The following EEF1AKMT2 variants were observed in gnomAD, a reference collection of about 807,000 sequenced individuals.
The protein encoded by EEF1AKMT2 is eukaryotic translation elongation factor 1 alpha lysine methyltransferase 2.
Under a neutral mutation model 35.8 loss-of-function variants are expected in EEF1AKMT2, and 32 were observed. That is an observed-to-expected ratio of 0.89 (90% CI 0.67 to 1.20). EEF1AKMT2 has a LOEUF of 1.20. EEF1AKMT2 is among the 50% of genes most tolerant of loss of function. The pLI is 0.00. For synonymous variants in EEF1AKMT2, 121 were observed against 133.7 expected (o/e 0.91, Z 0.65); for missense variants, 330 against 347.5 (o/e 0.95, Z 0.40).
rs540481383 is a variant in EEF1AKMT2 at position 124,787,188 on chromosome 10, T to C, written c.291+1855A>G. Among the ~76,000 whole-genome samples the C allele has an allele frequency of 2.6e-5, 4 of 152,128 alleles. No homozygotes were observed. The East Asian group carries it at 7.7e-4, about 29-fold the overall frequency. ...TGGTCTCGATCTCCTGACCTTGTGATCCACCTGCCTTGGCCTCCCAAAGCG... is the reference window on the plus strand; with the variant it reads ...TGGTCTCGATCTCCTGACCTTGTGACCCACCTGCCTTGGCCTCCCAAAGCG... On this transcript the variant is annotated intron_variant, in intron 3 of 6. Coordinates refer to ENST00000368836, the MANE Select transcript of EEF1AKMT2 (RefSeq NM_212554.4).
chr10:124,761,803 G>A (rs912501323), intron 6 of EEF1AKMT2, among the ~76,000 whole-genome samples: 15 of 152,124 alleles, frequency 9.9e-5, no homozygotes, highest in African/African-American at 1.9e-4. Context: ...GTGCCTGTGC[G>A]CCTGTAGTCC....
At chr10:124,757,384 CCAGA>C (rs546532974), downstream of EEF1AKMT2, among the ~76,000 whole-genome samples, 85 of 151,372 alleles carry the variant, frequency 5.6e-4, 2 homozygotes, top group Admixed American at 4.7e-3. Flanking sequence ...TTGTAGGCTA[CCAGA>C]CAGAGACACA....
chr10:124,771,654 G>A (rs1006524394), intron 4 of EEF1AKMT2, among the ~76,000 whole-genome samples: 31 of 151,876 alleles, frequency 2.0e-4, no homozygotes, highest in Non-Finnish European at 5.9e-5. Flanking sequence ...CGGATCACCA[G>A]GTCAGGAGAT....
intron 4 of EEF1AKMT2, among the ~76,000 whole-genome samples, chr10:124,771,425 T>C (rs1950435142): frequency 6.6e-6 from 1 of 152,008 alleles, no homozygotes; most frequent in Non-Finnish European, 1.5e-5. Context: ...TCAATCTACT[T>C]TGCCCAGATG....
chr10:124,762,461 T>C lies in EEF1AKMT2; in HGVS notation c.714A>G (p.Thr238=), dbSNP rs1016157651. Reference sequence around the variant, plus strand: ...TTATCCAGGCATGATGATGTGTGCCTGTAGTTCCACCTACTCGGGAGGCTG... The same window carrying C: ...TTATCCAGGCATGATGATGTGTGCCCGTAGTTCCACCTACTCGGGAGGCTG... The part of the protein sequence containing the change: ...STSASRVGGT[T]GTHHHAWIIF... The change falls in exon 6 of 7, where the codon ACA becomes ACG. Residue 238 remains threonine, a synonymous_variant. Transcript: ENST00000368836. 3.1e-6 allele frequency: 4 copies of C among 1,300,154 alleles called. No homozygotes were observed. Among genetic ancestry groups the C allele is most frequent in the African/African-American group, 3.0e-5 (2 of 65,758 alleles). The allele number at this position is 1,300,154 out of a possible 1,614,324, so 80.5% of individuals were successfully genotyped here. A position where few individuals can be genotyped will look rare whatever the true frequency, so the allele number is the denominator to read the frequency against.
intron 3 of EEF1AKMT2, among the ~76,000 whole-genome samples, chr10:124,786,075 A>C (rs561577447): frequency 1.3e-5 from 2 of 152,208 alleles, no homozygotes; most frequent in South Asian, 4.2e-4. Flanking sequence ...CACCTTTAGA[A>C]GGGAAGGAGT....
intron 3 of EEF1AKMT2, among the ~76,000 whole-genome samples, chr10:124,786,057 G>A (rs183417360): frequency 1.2e-3 from 178 of 152,228 alleles, no homozygotes; most frequent in Middle Eastern, 6.8e-3. Context: ...AGAAGTGACA[G>A]CAGTGGTCAC....
chr10:124,788,710 T>TTATATATATGTATATATATATATATATA (rs1950608740), intron 3 of EEF1AKMT2, among the ~76,000 whole-genome samples: 1 of 92,506 alleles, frequency 1.1e-5, no homozygotes. Context: ...AAGGTCATCT[T>TTATATATATGTATATATATATATATATA]TATATATATA....
In EEF1AKMT2 at chr10:124,766,420, G is replaced by A. The variant is rs1490599627; in HGVS notation, c.400-812C>T. On this transcript the variant is annotated intron_variant, in intron 4 of 6. Transcript: ENST00000368836. ...TAAACTGTAATTACTTCAGTTGGAG[G>A]TGTGAAGTCATACATCACCATCTCA... 5 of 152,108 alleles carry A rather than the reference G, an allele frequency of 3.3e-5. 1 individual carries two copies. Among genetic ancestry groups the A allele is most frequent in the Non-Finnish European group, 7.4e-5 (5 of 68,020 alleles). The allele number at this position is 152,108 out of a possible 1,614,324, so 9.4% of individuals were successfully genotyped here.
At chr10:124,782,585 A>T (rs1335057163) in intron 3 of EEF1AKMT2, among the ~76,000 whole-genome samples, 3 of 146,368 alleles carry the variant, frequency 2.0e-5, no homozygotes, top group African/African-American at 7.5e-5. Flanking sequence ...CCGTCTCAAA[A>T]AAAAAAAAAA....
intron 3 of EEF1AKMT2, among the ~76,000 whole-genome samples, chr10:124,787,459 C>T (rs1020715379): frequency 1.7e-5 from 2 of 116,610 alleles, no homozygotes; most frequent in Admixed American, 1.8e-4. Flanking sequence ...AAAAAAAAAG[C>T]CTGAAAGACA....
intron 3 of EEF1AKMT2, among the ~76,000 whole-genome samples, chr10:124,783,457 A>C (rs1589792150): frequency 1.3e-5 from 2 of 152,060 alleles, no homozygotes; most frequent in South Asian, 4.2e-4. Flanking sequence ...AATATGGAGA[A>C]ATTTAAACTC....
intron 3 of EEF1AKMT2, among the ~76,000 whole-genome samples, chr10:124,788,031 T>C (rs1950601948): frequency 6.6e-6 from 1 of 152,212 alleles, no homozygotes; most frequent in South Asian, 2.1e-4. Flanking sequence ...TGGCAAAGCA[T>C]AATATGGTTC....
chr10:124,774,537 T>A, intron 4 of EEF1AKMT2, 138 bp downstream of exon 4: 1 of 437,468 alleles, frequency 2.3e-6, no homozygotes, highest in Non-Finnish European at 3.6e-6. Flanking sequence ...AAATTTTTAA[T>A]ATGGCTATTT....
downstream of EEF1AKMT2, among the ~76,000 whole-genome samples, chr10:124,756,501 T>C (rs1364738634): frequency 6.6e-6 from 1 of 152,254 alleles, no homozygotes; most frequent in Non-Finnish European, 1.5e-5. Flanking sequence ...GCCTAAACTA[T>C]AGTGACAGCT....
intron 3 of EEF1AKMT2, among the ~76,000 whole-genome samples, chr10:124,778,932 T>TATC (rs1361659861): frequency 6.6e-6 from 1 of 152,040 alleles, no homozygotes; most frequent in Non-Finnish European, 1.5e-5. Context: ...GTAGGAAAAG[T>TATC]AACCATCAAA....
downstream of EEF1AKMT2, among the ~76,000 whole-genome samples, chr10:124,757,218 G>T (rs1281576913): frequency 7.1e-6 from 1 of 140,334 alleles, no homozygotes; most frequent in Non-Finnish European, 1.5e-5. Context: ...AGCTAAAGAG[G>T]TTACTACTGT....
chr10:124,785,543 A>G lies in EEF1AKMT2; in HGVS notation c.291+3500T>C, dbSNP rs145459757. Among the ~76,000 whole-genome samples, 660 of 152,286 alleles carry G rather than the reference A, an allele frequency of 4.3e-3. 3 individuals carry two copies. Among genetic ancestry groups the G allele is most frequent in the African/African-American group, 0.015 (619 of 41,568 alleles). On this transcript the variant is annotated intron_variant, in intron 3 of 6. Coordinates refer to ENST00000368836, the MANE Select transcript of EEF1AKMT2 (RefSeq NM_212554.4). ...ATACGTTAAAAATTGTCAAAACTTA[A>G]TAAGTAAACAATCCAATTTAAAAAT...
At chr10:124,785,521 C>T (rs116305993) in intron 3 of EEF1AKMT2, among the ~76,000 whole-genome samples, 434 of 152,162 alleles carry the variant, frequency 2.9e-3, no homozygotes, top group African/African-American at 9.1e-3. Flanking sequence ...ATCCAGAATA[C>T]GTTAAAAATT....
Sources: allele counts gnomAD v4.1 joint callset (sites outside exome capture counted in the v4.1 genomes callset), GRCh38; gene constraint gnomAD v4.1.1; transcripts MANE v1.5; gene names NCBI Gene and HGNC (gene_info 2026-07-23, HGNC 2026-07-21).